VIPR2: variants seen among roughly 807,000 people sequenced by gnomAD.
VIPR2 encodes the protein vasoactive intestinal peptide receptor 2.
Under a neutral mutation model 58.0 loss-of-function variants are expected in VIPR2, and 48 were observed. The observed-to-expected ratio is 0.83, with a 90% CI of 0.66 to 1.05. The LOEUF (loss-of-function observed/expected upper bound fraction) is 1.05. Among genes scored for constraint, VIPR2 ranks in the 50% least tolerant of loss-of-function variants. The pLI is 0.00. For missense variants in VIPR2, 534 were observed against 558.0 expected, an observed-to-expected ratio of 0.96 and a Z score of 0.43; for synonymous variants, 243 against 235.2, an observed-to-expected ratio of 1.03 and a Z score of -0.30.
rs567244097 is a variant in VIPR2, at chr7:159,082,421, C to T, written c.357+21336G>A. On this transcript the variant is annotated intron_variant, in intron 4 of 12. Coordinates refer to ENST00000262178, the MANE Select transcript of VIPR2 (RefSeq NM_003382.5). ...ATAGGTGGGAATTGAACAATGAGAA[C>T]ACATGGACACAGGAAGGGGAACATC... Among the ~76,000 whole-genome samples the T allele has an allele frequency of 2.6e-3, 398 of 151,986 alleles. 1 individual carries two copies. The highest frequency in any genetic ancestry group is 9.2e-3 in the African/African-American group (383 of 41,410).
intron 4 of VIPR2, among the ~76,000 whole-genome samples, chr7:159,074,912 ACTGGGTACCCATTATGCT>A (rs1349134401): frequency 6.6e-6 from 1 of 152,202 alleles, no homozygotes; most frequent in African/African-American, 2.4e-5. Flanking sequence ...TGTAGGAAAA[ACTGGGTACCCATTATGCT>A]CGAGGTGCCA....
chr7:159,131,897 C>T (rs1349712380), intron 2 of VIPR2, among the ~76,000 whole-genome samples: 2 of 152,160 alleles, frequency 1.3e-5, no homozygotes, highest in Admixed American at 6.5e-5. Flanking sequence ...TGTAAATTCC[C>T]ATTTTAAAGA....
chr7:159,067,670 T>C (rs1188140160), intron 4 of VIPR2, among the ~76,000 whole-genome samples: 2 of 152,334 alleles, frequency 1.3e-5, no homozygotes, highest in East Asian at 3.9e-4. Context: ...GTGTTCATGA[T>C]CAGAAAGGGC....
At chr7:159,143,817 G>A (rs1167476084) in intron 1 of VIPR2, among the ~76,000 whole-genome samples, 1 of 152,260 alleles carries the variant, frequency 6.6e-6, no homozygotes, top group Non-Finnish European at 1.5e-5. Context: ...AGCATTAACC[G>A]TGATAAAACC....
Position 159,028,453 on chromosome 7 carries a change from T to TCAA in VIPR2, c.*2160_*2162dup, listed in dbSNP as rs1231489242. 1 of 152,378 alleles carries TCAA rather than the reference T, an allele frequency of 6.6e-6. No individual in the cohort carries two copies. The highest frequency in any genetic ancestry group is 1.5e-5 in the Non-Finnish European group (1 of 68,208). 9.4% of individuals were successfully genotyped at this position (152,378 alleles called of 1,614,324 possible). On this transcript the variant is annotated 3_prime_UTR_variant, in exon 13 of 13. Coordinates refer to ENST00000262178, the MANE Select transcript of VIPR2 (RefSeq NM_003382.5). ...ACTGCCCACACCCAACCACCGACCA[T>TCAA]CAACAACCAGTGCCTGGTAACCACC... is the stretch of plus-strand genomic sequence containing the variant.
At chr7:159,107,781 G>A (rs1795818380) in intron 3 of VIPR2, among the ~76,000 whole-genome samples, 1 of 152,192 alleles carries the variant, frequency 6.6e-6, no homozygotes, top group Non-Finnish European at 1.5e-5. Flanking sequence ...CCTGGAGAAG[G>A]AGCTGCCCAC....
chr7:159,034,483 G>A (rs1853796577), intron 9 of VIPR2, 98 bp downstream of exon 9: 1 of 1,371,542 alleles, frequency 7.3e-7, no homozygotes, highest in African/African-American at 1.4e-5. Flanking sequence ...GTGATGCGTG[G>A]AATGGGGTCA....
rs1450200563 is a variant in VIPR2 at position 159,037,244 on chromosome 7, C to G, written c.598-342G>C. ...TTCTCAGCTCCTCCCCTCGGCTACT[C>G]CACTTCCCCTTCTCTGACCTGCTTC... On this transcript the variant is annotated intron_variant, in intron 6 of 12. Transcript: ENST00000262178. 3.9e-5 allele frequency among the ~76,000 whole-genome samples: 6 copies of G among 152,240 alleles called. No individual in the cohort carries two copies. In the East Asian group the frequency reaches 1.2e-3, roughly 29 times the overall value.
At chr7:159,141,315 C>T (rs1369107313) in intron 2 of VIPR2, among the ~76,000 whole-genome samples, 6 of 152,368 alleles carry the variant, frequency 3.9e-5, no homozygotes, top group Non-Finnish European at 8.8e-5. Flanking sequence ...ATGCGTGCAC[C>T]GCGGAATCGC....
intron 4 of VIPR2, among the ~76,000 whole-genome samples, chr7:159,101,782 A>G (rs1858269818): frequency 7.6e-6 from 1 of 131,724 alleles, no homozygotes; most frequent in African/African-American, 3.1e-5. Flanking sequence ...GTGACAGTGA[A>G]CGGGTCTCAC....
At chr7:159,041,277 A>G (rs1854310779) in intron 6 of VIPR2, among the ~76,000 whole-genome samples, 1 of 152,154 alleles carries the variant, frequency 6.6e-6, no homozygotes, top group Non-Finnish European at 1.5e-5. Flanking sequence ...TCTGCCTCGG[A>G]GGTTCTGGGC....
chr7:159,072,365 A>G (rs888625432), intron 4 of VIPR2, among the ~76,000 whole-genome samples: 1 of 152,262 alleles, frequency 6.6e-6, no homozygotes, highest in African/African-American at 2.4e-5. Context: ...AATAAACTCA[A>G]AAAATAAAAT....
intron 2 of VIPR2, among the ~76,000 whole-genome samples, chr7:159,111,815 C>T (rs923777295): frequency 5.9e-5 from 9 of 152,238 alleles, no homozygotes; most frequent in Admixed American, 2.6e-4. Context: ...TCAAGACCAG[C>T]GTGGGCAACA....
chr7:159,105,592 G>T (rs1858598078), intron 3 of VIPR2, among the ~76,000 whole-genome samples: 1 of 152,058 alleles, frequency 6.6e-6, no homozygotes, highest in African/African-American at 2.4e-5. Context: ...TCTCAGCAAG[G>T]CCTCAGGGCT....
intron 4 of VIPR2, among the ~76,000 whole-genome samples, chr7:159,082,022 G>C (rs955293326): frequency 2.6e-5 from 4 of 152,248 alleles, no homozygotes; most frequent in African/African-American, 9.6e-5. Context: ...TGGTGGGACT[G>C]TAAACTAGTT....
chr7:159,117,937 A>T (rs1208214269), intron 2 of VIPR2, among the ~76,000 whole-genome samples: 1 of 152,210 alleles, frequency 6.6e-6, no homozygotes, highest in Non-Finnish European at 1.5e-5. Context: ...CGCATTTAGA[A>T]GCAAATATTT....
rs946441368 is a variant in VIPR2, at chr7:159,035,669, T to C, written c.809+283A>G. On this transcript the variant is annotated intron_variant, in intron 8 of 12. Transcript: ENST00000262178. ...TGGCTTTCTTCTGTGGACATCGCTG[T>C]GCCCACCGCAGGGGCTGCCCCAGTC... The C allele has an allele frequency of 9.8e-5, 96 of 984,344 alleles. No homozygotes were observed. In the Middle Eastern group the frequency reaches 1.6e-3, roughly 16 times the overall value. The allele number at this position is 984,344 out of a possible 1,614,324, so 61.0% of individuals were successfully genotyped here.
intron 4 of VIPR2, among the ~76,000 whole-genome samples, chr7:159,077,700 A>G (rs1221220676): frequency 5.5e-4 from 57 of 103,662 alleles, no homozygotes; most frequent in Middle Eastern, 6.6e-3. Flanking sequence ...GTATTATAGT[A>G]TGCCTGTTAT....
intron 2 of VIPR2, among the ~76,000 whole-genome samples, chr7:159,131,024 C>A (rs757518049): frequency 2.0e-5 from 3 of 152,272 alleles, no homozygotes. Context: ...AGACAGAATG[C>A]GCTGCCTCCG....
Sources: gnomAD v4.1 joint callset for allele counts (sites outside exome capture counted in the v4.1 genomes callset) on GRCh38, gnomAD v4.1.1 for gene constraint, MANE v1.5 for transcripts, NCBI Gene and HGNC (gene_info 2026-07-23, HGNC 2026-07-21) for gene names.